MME: variants seen among roughly 807,000 people sequenced by gnomAD.
MME encodes neprilysin.
Under a neutral mutation model 113.2 loss-of-function variants are expected in MME, and 98 were observed. That is an observed-to-expected ratio of 0.87 (90% CI 0.74 to 1.02). The LOEUF is 1.02. Among genes scored for constraint, MME ranks in the 50% least tolerant of loss-of-function variants. The probability of loss-of-function intolerance (pLI) is 0.00; values close to 1 mark genes in which losing one functional copy is unlikely to be tolerated. For missense variants in MME, 836 were observed against 896.0 expected, an observed-to-expected ratio of 0.93 and a Z score of 0.86; for synonymous variants, 292 against 300.6, an observed-to-expected ratio of 0.97 and a Z score of 0.30.
At chr3:155,060,247 A>G (rs1714087702) in intron 1 of MME, among the ~76,000 whole-genome samples, 1 of 152,132 alleles carries the variant, frequency 6.6e-6, no homozygotes, top group Admixed American at 6.6e-5. Context: ...GGCTTGCTGA[A>G]AGCTGAAACC....
intron 8 of MME, among the ~76,000 whole-genome samples, chr3:155,135,931 G>A (rs1010806365): frequency 8.6e-5 from 13 of 152,036 alleles, no homozygotes; most frequent in African/African-American, 2.9e-4. Flanking sequence ...TTCTTGATTT[G>A]GCTCTCAGCT....
At chr3:155,114,144 C>T (rs1161316049) in intron 3 of MME, among the ~76,000 whole-genome samples, 1 of 152,108 alleles carries the variant, frequency 6.6e-6, no homozygotes, top group Non-Finnish European at 1.5e-5. Context: ...CTTTTGTTTT[C>T]ATTGCAAAAC....
In MME at chr3:155,138,134, T is replaced by C. The variant is rs200845545; in HGVS notation, c.753T>C (p.Ser251=). The part of the protein sequence containing the change: ...ACTAYVDFMI[S]VARLIRQEER... ...CAGCATATGTGGATTTTATGATTTCTGTGGCCAGATTGATTCGTCAGGAAG... is the reference window on the plus strand; with the variant it reads ...CAGCATATGTGGATTTTATGATTTCCGTGGCCAGATTGATTCGTCAGGAAG... The change falls in exon 9 of 23, where the codon TCT becomes TCC. Residue 251 remains serine, a synonymous_variant. Transcript: ENST00000360490. 8 of 1,613,704 alleles carry C rather than the reference T, an allele frequency of 5.0e-6. No homozygotes were observed. The highest frequency in any genetic ancestry group is 6.8e-6 in the Non-Finnish European group (8 of 1,179,816).
chr3:155,180,990 A>T lies in MME; in HGVS notation c.*531A>T. On this transcript the variant is annotated 3_prime_UTR_variant, in exon 23 of 23. Transcript: ENST00000360490. ...GGCCTTGGAGCTTACATAGTTTTAA[A>T]CTCATTTTTGCCATACATCAGTTAT... The T allele has an allele frequency of 6.4e-6, 1 of 156,488 alleles. No homozygotes were observed. Among genetic ancestry groups the T allele is most frequent in the Admixed American group, 6.1e-5 (1 of 16,282 alleles). 9.7% of individuals were successfully genotyped at this position (156,488 alleles called of 1,614,324 possible). A position where few individuals can be genotyped will look rare whatever the true frequency, so the allele number is the denominator to read the frequency against.
At chr3:155,083,040 A>G (rs1715299053) in intron 1 of MME, among the ~76,000 whole-genome samples, 1 of 152,236 alleles carries the variant, frequency 6.6e-6, no homozygotes, top group East Asian at 1.9e-4. Flanking sequence ...ATGCAGAAAA[A>G]TGGAAATTGT....
At chr3:155,057,264 G>T (rs892243568) in intron 1 of MME, among the ~76,000 whole-genome samples, 5 of 151,566 alleles carry the variant, frequency 3.3e-5, no homozygotes, top group Non-Finnish European at 7.4e-5. Context: ...AAAACAAACA[G>T]CCCCATCAAA....
intron 3 of MME, among the ~76,000 whole-genome samples, chr3:155,098,619 G>A (rs1404614381): frequency 6.6e-6 from 1 of 151,604 alleles, no homozygotes; most frequent in African/African-American, 2.4e-5. Flanking sequence ...AGGTGTAGAG[G>A]GAATAAAGAA....
chr3:155,101,138 C>T (rs754612337), intron 3 of MME, among the ~76,000 whole-genome samples: 2 of 152,146 alleles, frequency 1.3e-5, no homozygotes, highest in African/African-American at 4.8e-5. Flanking sequence ...TCCTCCTTCA[C>T]GTTCTCTCAT....
chr3:155,148,721 T>A, intron 16 of MME, 68 bp downstream of exon 16: 2 of 1,171,364 alleles, frequency 1.7e-6, no homozygotes, highest in Non-Finnish European at 1.3e-6. Context: ...TTTGTTGGAT[T>A]AAGTGAAAGA....
intron 17 of MME, among the ~76,000 whole-genome samples, chr3:155,165,225 A>G (rs545810272): frequency 7.9e-5 from 12 of 152,242 alleles, no homozygotes; most frequent in African/African-American, 2.6e-4. Context: ...TAAACTATGA[A>G]CATTTAATTA....
chr3:155,034,044 G>A (rs1401126023), intron 1 of MME, among the ~76,000 whole-genome samples: 1 of 152,212 alleles, frequency 6.6e-6, no homozygotes, highest in South Asian at 2.1e-4. Context: ...TTAGGCCACA[G>A]ATTTTTAAAA....
intron 1 of MME, among the ~76,000 whole-genome samples, chr3:155,072,953 G>A (rs1236537588): frequency 6.6e-6 from 1 of 152,070 alleles, no homozygotes; most frequent in African/African-American, 2.4e-5. Flanking sequence ...CGTTTCCTTG[G>A]AAATCAATAG....
At chr3:155,077,491 C>G (rs1312444884), upstream of MME, among the ~76,000 whole-genome samples, 1 of 152,184 alleles carries the variant, frequency 6.6e-6, no homozygotes, top group Non-Finnish European at 1.5e-5. Context: ...TTATCTCAAA[C>G]TTGCACAAAC....
chr3:155,183,422 T>A lies in MME; in HGVS notation c.*2963T>A, dbSNP rs1196401204. On this transcript the variant is annotated 3_prime_UTR_variant, in exon 23 of 23. Coordinates refer to ENST00000360490, the MANE Select transcript of MME (RefSeq NM_007289.4). ...AACTGAAAACTCCCATTTACGTGTC[T>A]GAATCGAGTGAGACAAAATTTTAGT... 6.6e-6 allele frequency: 1 copy of A among 152,192 alleles called. No individual in the cohort carries two copies. The highest frequency in any genetic ancestry group is 2.4e-5 in the African/African-American group (1 of 41,440). The allele number at this position is 152,192 out of a possible 1,614,324, so 9.4% of individuals were successfully genotyped here. A position where few individuals can be genotyped will look rare whatever the true frequency, so the allele number is the denominator to read the frequency against.
intron 1 of MME, among the ~76,000 whole-genome samples, chr3:155,040,896 A>G (rs781520298): frequency 6.6e-6 from 1 of 152,188 alleles, no homozygotes; most frequent in African/African-American, 2.4e-5. Flanking sequence ...GGCAAGGCTG[A>G]TGGTAGTTTG....
At position 155,180,384 on chromosome 3, in the gene MME, T is replaced by G. The variant is rs112921078; in HGVS notation, c.2178T>G (p.Ser726=). Residue 726 remains serine (S), a synonymous_variant, in exon 23 of 23, where the codon TCT becomes TCG. Transcript: ENST00000360490. ...NFRIIGTLQN[S]AEFSEAFHCR... Reference sequence around the variant, plus strand: ...GGATTATTGGGACTTTGCAGAACTCTGCAGAGTTTTCAGAAGCCTTTCACT... The same window carrying G: ...GGATTATTGGGACTTTGCAGAACTCGGCAGAGTTTTCAGAAGCCTTTCACT... 4.3e-6 allele frequency: 7 copies of G among 1,613,698 alleles called. No homozygotes were observed. Among genetic ancestry groups the G allele is most frequent in the African/African-American group, 4.0e-5 (3 of 75,028 alleles).
At chr3:155,112,794 G>A (rs374011558) in intron 3 of MME, 15 of 152,424 alleles carry the variant, frequency 9.8e-5, no homozygotes, top group African/African-American at 3.6e-4. Context: ...TGGGCTGTAA[G>A]AGAAGGTGGT....
intron 16 of MME, among the ~76,000 whole-genome samples, chr3:155,155,193 G>A (rs1722227255): frequency 6.6e-6 from 1 of 152,012 alleles, no homozygotes; most frequent in Non-Finnish European, 1.5e-5. Context: ...GAGGGGGAAG[G>A]GGAATTAGAA....
intron 3 of MME, among the ~76,000 whole-genome samples, chr3:155,110,738 G>A (rs917765850): frequency 1.3e-5 from 2 of 152,012 alleles, no homozygotes; most frequent in East Asian, 3.9e-4. Context: ...ATACAAATTG[G>A]AAAATAAAGG....
Sources: allele counts gnomAD v4.1 joint callset (sites outside exome capture counted in the v4.1 genomes callset), GRCh38; gene constraint gnomAD v4.1.1; transcripts MANE v1.5; gene names NCBI Gene and HGNC (gene_info 2026-07-23, HGNC 2026-07-21).